Variants in SLCO1A2 observed in about 807,000 individuals in gnomAD.
SLCO1A2 encodes OATP-1.
Under a neutral mutation model 69.0 loss-of-function variants are expected in SLCO1A2, and 67 were observed. That is an observed-to-expected ratio of 0.97 (90% CI 0.80 to 1.19). The LOEUF (loss-of-function observed/expected upper bound fraction) is 1.19, where lower values mean the gene tolerates loss of function less well. Ranked by LOEUF, SLCO1A2 falls within the 50% of genes most tolerant of loss-of-function variation. SLCO1A2 has a pLI of 0.00. For synonymous variants in SLCO1A2, 260 were observed against 265.9 expected (o/e 0.98, Z 0.22); for missense variants, 787 against 793.7 (o/e 0.99, Z 0.10).
At chr12:21,413,712 T>G (rs1176110574) in intron 1 of SLCO1A2, among the ~76,000 whole-genome samples, 1 of 152,082 alleles carries the variant, frequency 6.6e-6, no homozygotes, top group Non-Finnish European at 1.5e-5. Flanking sequence ...CATAGCCTTC[T>G]CCCTTGCTGG....
chr12:21,367,126 T>A (rs961045311), intron 2 of SLCO1A2, among the ~76,000 whole-genome samples: 2 of 152,016 alleles, frequency 1.3e-5, no homozygotes. Context: ...CAATGAAATA[T>A]AAAAAATCAA....
chr12:21,404,901 G>GT (rs1941797340), intron 1 of SLCO1A2, among the ~76,000 whole-genome samples: 3 of 152,184 alleles, frequency 2.0e-5, no homozygotes, highest in Admixed American at 1.3e-4. Context: ...AGCATCTGTT[G>GT]TTTCTTGACT....
intron 1 of SLCO1A2, among the ~76,000 whole-genome samples, chr12:21,382,707 G>A (rs1467205230): frequency 2.0e-5 from 3 of 150,032 alleles, no homozygotes; most frequent in African/African-American, 7.4e-5. Context: ...AGACGGGAGA[G>A]TCGCTTGAAC....
intron 1 of SLCO1A2, among the ~76,000 whole-genome samples, chr12:21,387,961 G>A (rs534440593): frequency 1.6e-4 from 24 of 152,306 alleles, no homozygotes; most frequent in African/African-American, 5.3e-4. Flanking sequence ...TGTGAGACAT[G>A]GAGTCAAAGG....
chr12:21,387,022 C>T (rs1250041176), intron 1 of SLCO1A2, among the ~76,000 whole-genome samples: 1 of 152,146 alleles, frequency 6.6e-6, no homozygotes, highest in East Asian at 1.9e-4. Flanking sequence ...TTCTTGGGAA[C>T]TAGAGCAAAG....
intron 11 of SLCO1A2, among the ~76,000 whole-genome samples, chr12:21,292,898 A>C (rs1019007268): frequency 1.3e-5 from 2 of 152,186 alleles, no homozygotes; most frequent in Admixed American, 1.3e-4. Context: ...CCCAGCTAAT[A>C]CACTTTTTAA....
At chr12:21,298,352 G>A (rs1948068412) in intron 8 of SLCO1A2, among the ~76,000 whole-genome samples, 1 of 152,044 alleles carries the variant, frequency 6.6e-6, no homozygotes, top group South Asian at 2.1e-4. Flanking sequence ...CTCTAGTAAT[G>A]TGTGGCCTGC....
At chr12:21,368,726 A>G (rs1461309125) in intron 2 of SLCO1A2, among the ~76,000 whole-genome samples, 11 of 152,124 alleles carry the variant, frequency 7.2e-5, no homozygotes, top group Non-Finnish European at 1.5e-4. Flanking sequence ...TTTGTTGATA[A>G]TTGTTCTAAT....
intron 2 of SLCO1A2, among the ~76,000 whole-genome samples, chr12:21,356,670 C>A (rs1938394415): frequency 6.6e-6 from 1 of 151,800 alleles, no homozygotes; most frequent in Non-Finnish European, 1.5e-5. Flanking sequence ...TTCTATGCAC[C>A]CAATGAGTAA....
intron 2 of SLCO1A2, among the ~76,000 whole-genome samples, chr12:21,328,478 G>A (rs1438613598): frequency 6.6e-6 from 1 of 152,114 alleles, no homozygotes; most frequent in Non-Finnish European, 1.5e-5. Flanking sequence ...CTGCTAGGCT[G>A]GATAGATGCC....
At chr12:21,401,873 T>C (rs1684692752) in intron 1 of SLCO1A2, among the ~76,000 whole-genome samples, 1 of 151,308 alleles carries the variant, frequency 6.6e-6, no homozygotes, top group Non-Finnish European at 1.5e-5. Flanking sequence ...AAATGTATTA[T>C]ATGATAAACA....
chr12:21,274,281 TGAGA>T (rs1943399474), intron 14 of SLCO1A2, 184 bp downstream of exon 14: 2 of 495,928 alleles, frequency 4.0e-6, no homozygotes, highest in Non-Finnish European at 7.2e-6. Flanking sequence ...ACCAAGCACT[TGAGA>T]AATAATGGGA....
At position 21,265,493 on chromosome 12, in the gene SLCO1A2, G is replaced by A. The variant is rs1217661052; in HGVS notation, c.*4055C>T. The A allele has an allele frequency of 6.6e-6, 1 of 152,236 alleles. No individual in the cohort carries two copies. Among genetic ancestry groups the A allele is most frequent in the African/African-American group, 2.4e-5 (1 of 41,450 alleles). 9.4% of individuals were successfully genotyped at this position (152,236 alleles called of 1,614,324 possible). A position where few individuals can be genotyped will look rare whatever the true frequency, so the allele number is the denominator to read the frequency against. On this transcript the variant is annotated 3_prime_UTR_variant, in exon 15 of 15. Transcript: ENST00000683939. Reference sequence around the variant, plus strand: ...CCTTCTGAAGGAGCCCTCTGCACAGGACTGTGTTAACAAATCATCTGCCCT... The same window carrying A: ...CCTTCTGAAGGAGCCCTCTGCACAGAACTGTGTTAACAAATCATCTGCCCT...
At chr12:21,346,841 T>C (rs1252610652) in intron 2 of SLCO1A2, among the ~76,000 whole-genome samples, 1 of 152,202 alleles carries the variant, frequency 6.6e-6, no homozygotes, top group Non-Finnish European at 1.5e-5. Flanking sequence ...GTGCCATTAA[T>C]AGTAGGCTCA....
At chr12:21,294,459 A>G (rs1278243317) in intron 10 of SLCO1A2, 1 of 161,562 alleles carries the variant, frequency 6.2e-6, no homozygotes, top group African/African-American at 2.4e-5. Flanking sequence ...AAATAGCAAG[A>G]CAGGACTAGC....
At chr12:21,389,112 C>G (rs1286188156) in intron 1 of SLCO1A2, among the ~76,000 whole-genome samples, 1 of 152,146 alleles carries the variant, frequency 6.6e-6, no homozygotes, top group Non-Finnish European at 1.5e-5. Flanking sequence ...GGGTAATGTA[C>G]TACCTTACAA....
intron 14 of SLCO1A2, among the ~76,000 whole-genome samples, chr12:21,272,198 A>G (rs907408664): frequency 6.6e-6 from 1 of 151,772 alleles, no homozygotes; most frequent in African/African-American, 2.4e-5. Flanking sequence ...TTTGGTTAAC[A>G]ATTATCCATG....
At position 21,277,819 on chromosome 12, in the gene SLCO1A2, G is replaced by C. The variant is rs1424230421; in HGVS notation, c.1611-2395C>G. Among the ~76,000 whole-genome samples the C allele has an allele frequency of 2.6e-5, 4 of 152,156 alleles. No homozygotes were observed. The East Asian group carries it at 5.8e-4, about 22-fold the overall frequency. ...TGATCTGACAGGAGGCAGAACTCAG[G>C]GGGTAATGCTCGCTGCTCCCTCCTG... On this transcript the variant is annotated intron_variant, in intron 12 of 14. Transcript: ENST00000683939.
In SLCO1A2 at chr12:21,334,679, G is replaced by A; in HGVS notation, c.-32C>T. The A allele has an allele frequency of 6.3e-7, 1 of 1,579,426 alleles. No individual in the cohort carries two copies. The highest frequency in any genetic ancestry group is 1.1e-5 in the South Asian group (1 of 87,490). On this transcript the variant is annotated 5_prime_UTR_variant, in exon 2 of 15. Coordinates refer to ENST00000683939, the MANE Select transcript of SLCO1A2 (RefSeq NM_001386879.1). ...CTTCAGGGTGTTCCAAGCTATTTAT[G>A]TTTTAAATCTTGATATGTCTTACTT...
Sources: allele counts gnomAD v4.1 joint callset (sites outside exome capture counted in the v4.1 genomes callset), GRCh38; gene constraint gnomAD v4.1.1; transcripts MANE v1.5; gene names NCBI Gene and HGNC (gene_info 2026-07-23, HGNC 2026-07-21).